TGFB3: variants seen among roughly 807,000 people sequenced by gnomAD.
The protein encoded by TGFB3 is transforming growth factor beta-3 proprotein.
A neutral mutation model predicts 40.1 loss-of-function variants in TGFB3; 5 were observed. The observed-to-expected ratio is 0.12, with a 90% CI of 0.07 to 0.26. The LOEUF (loss-of-function observed/expected upper bound fraction) is 0.26. Ranked by LOEUF, TGFB3 falls within the 10% of genes least tolerant of loss-of-function variation. The probability of loss-of-function intolerance (pLI) is 1.00; values close to 1 mark genes in which losing one functional copy is unlikely to be tolerated. For missense variants in TGFB3, 373 were observed against 530.1 expected, an observed-to-expected ratio of 0.70 and a Z score of 2.91; for synonymous variants, 184 against 205.6, an observed-to-expected ratio of 0.89 and a Z score of 0.90.
chr14:75,968,136 C>T (rs1446257012), intron 3 of TGFB3, among the ~76,000 whole-genome samples: 1 of 152,220 alleles, frequency 6.6e-6, no homozygotes, highest in African/African-American at 2.4e-5. Context: ...AGCCTGGGTA[C>T]CTGGTGCACA....
At chr14:75,972,845 T>C (rs949714872) in intron 1 of TGFB3, among the ~76,000 whole-genome samples, 2 of 152,160 alleles carry the variant, frequency 1.3e-5, no homozygotes, top group Non-Finnish European at 2.9e-5. Flanking sequence ...AAGCAGGGCT[T>C]ATATAGCAAA....
At chr14:75,969,948 G>A (rs1208065188) in intron 3 of TGFB3, among the ~76,000 whole-genome samples, 1 of 152,088 alleles carries the variant, frequency 6.6e-6, no homozygotes, top group Non-Finnish European at 1.5e-5. Context: ...TCTCATCTGG[G>A]CTGCCGCCGT....
At chr14:75,966,446 A>C (rs985173484) in intron 3 of TGFB3, 2 of 152,794 alleles carry the variant, frequency 1.3e-5, no homozygotes, top group African/African-American at 4.8e-5. Flanking sequence ...AACGAGGTAA[A>C]AATTACTTGG....
upstream of TGFB3, among the ~76,000 whole-genome samples, chr14:75,982,635 G>A (rs1594793629): frequency 6.6e-6 from 1 of 151,956 alleles, no homozygotes; most frequent in Admixed American, 6.5e-5. This position sits in a 1 kb window ranked among gnomAD's most constrained non-coding sequence, Gnocchi z 4.0. Context: ...CGCCAGTGAA[G>A]GAGCTCGGCT....
chr14:75,959,621 A>T (rs1168434775), intron 6 of TGFB3, among the ~76,000 whole-genome samples: 2 of 152,168 alleles, frequency 1.3e-5, no homozygotes, highest in African/African-American at 4.8e-5. Flanking sequence ...ATACAAAAAA[A>T]TTAGCTGGCT....
rs1307885716 is a variant in TGFB3 at position 75,981,530 on chromosome 14, G to C, written c.-637C>G. ...CAGTACAGGACACACTTGTCTCTCA[G>C]GCACTCCATTCATGCTTTCTCTTTT... is the stretch of plus-strand genomic sequence containing the variant. On this transcript the variant is annotated 5_prime_UTR_variant, in exon 1 of 7. Transcript: ENST00000238682. The surrounding 1 kb of genome is among the most constrained non-coding windows in gnomAD (Gnocchi z 4.7). 1.3e-5 allele frequency: 2 copies of C among 158,694 alleles called. No individual in the cohort carries two copies. Among genetic ancestry groups the C allele is most frequent in the Admixed American group, 6.0e-5 (1 of 16,702 alleles). The allele number at this position is 158,694 out of a possible 1,614,324, so 9.8% of individuals were successfully genotyped here. A position where few individuals can be genotyped will look rare whatever the true frequency, so the allele number is the denominator to read the frequency against.
At chr14:75,960,404 T>G in intron 6 of TGFB3, 1 of 174,692 alleles carries the variant, frequency 5.7e-6, no homozygotes, top group Non-Finnish European at 1.2e-5. Context: ...GAAACATGCT[T>G]CACAAATTAC....
At chr14:75,973,247 A>G (rs2035314926) in intron 1 of TGFB3, among the ~76,000 whole-genome samples, 1 of 152,266 alleles carries the variant, frequency 6.6e-6, no homozygotes, top group South Asian at 2.1e-4. Context: ...TGAGGAAGTC[A>G]CAGACAAGGC....
chr14:75,975,049 G>A (rs1284552170), intron 1 of TGFB3, among the ~76,000 whole-genome samples: 5 of 150,056 alleles, frequency 3.3e-5, no homozygotes, highest in African/African-American at 1.2e-4. Context: ...AACATAGGGA[G>A]GACCTATCCC....
intron 1 of TGFB3, among the ~76,000 whole-genome samples, chr14:75,972,711 A>G (rs1356585417): frequency 6.6e-6 from 1 of 152,212 alleles, no homozygotes. Context: ...AGAAAGGGCA[A>G]GATGATAGAT....
chr14:75,966,137 A>C (rs1257850564), intron 3 of TGFB3: 2 of 269,618 alleles, frequency 7.4e-6, no homozygotes, highest in Non-Finnish European at 1.4e-5. Flanking sequence ...AGGCAGAGGG[A>C]CTGGAAGAGA....
chr14:75,971,623 C>G lies in TGFB3; in HGVS notation c.448G>C (p.Glu150Gln). The change falls in exon 2 of 7, where the codon GAA (glutamate) becomes CAA (glutamine). Residue 150 changes from glutamate to glutamine, a missense_variant. By Grantham distance (29) the Glu-to-Gln change is conservative (BLOSUM62 2). Transcript: ENST00000238682. This position sits in a 1 kb window ranked among gnomAD's most constrained non-coding sequence, Gnocchi z 4.5. ...EKNRTNLFRAEFRVLRVPNPS... is the reference protein window; with the variant it reads ...EKNRTNLFRAQFRVLRVPNPS... Reference sequence around the variant, plus strand: ...TTGGGCACCCGCAAGACCCGGAATTCTGCTCGGAATAGGTTGGTTCTATTT... The same window carrying G: ...TTGGGCACCCGCAAGACCCGGAATTGTGCTCGGAATAGGTTGGTTCTATTT... 1 of 1,614,242 alleles carries G rather than the reference C, an allele frequency of 6.2e-7. No individual in the cohort carries two copies. The highest frequency in any genetic ancestry group is 1.1e-5 in the South Asian group (1 of 91,082).
Position 75,971,347 on chromosome 14 carries a change from G to A in TGFB3, c.517-92C>T, listed in dbSNP as rs982881261. ...CAGAGCACAGGTGAGGGAGCGATAG[G>A]AAACCAGTGGTTCCTGAATGCCATG... On this transcript the variant is annotated intron_variant, in intron 2 of 6. Transcript: ENST00000238682. The surrounding 1 kb of genome is among the most constrained non-coding windows in gnomAD (Gnocchi z 4.5). The A allele has an allele frequency of 6.3e-7, 1 of 1,596,658 alleles. No homozygotes were observed. Among genetic ancestry groups the A allele is most frequent in the African/African-American group, 1.3e-5 (1 of 74,602 alleles).
At chr14:75,966,507 G>C (rs1026936427) in intron 3 of TGFB3, 4 of 152,848 alleles carry the variant, frequency 2.6e-5, no homozygotes, top group Non-Finnish European at 5.8e-5. Context: ...GTTGGAATGT[G>C]GATTGCTCAC....
chr14:75,959,135 G>A lies in TGFB3; in HGVS notation c.*52C>T. The A allele has an allele frequency of 6.2e-7, 1 of 1,611,468 alleles. No individual in the cohort carries two copies. The highest frequency in any genetic ancestry group is 1.1e-5 in the South Asian group (1 of 90,882). On this transcript the variant is annotated 3_prime_UTR_variant, in exon 7 of 7. Transcript: ENST00000238682. ...TGCTTGTGTGTTTCCCGAGGAGCGG[G>A]CAGTCAGGCAGTGGTGGTTCTCTCT...
At chr14:75,959,970 T>A (rs1344631321) in intron 6 of TGFB3, among the ~76,000 whole-genome samples, 1 of 112,918 alleles carries the variant, frequency 8.9e-6, no homozygotes, top group East Asian at 2.9e-4. Flanking sequence ...TGAGTCAGAG[T>A]CTCACTCTTT....
intron 1 of TGFB3, among the ~76,000 whole-genome samples, chr14:75,972,767 C>T (rs1252799191): frequency 1.3e-5 from 2 of 152,184 alleles, no homozygotes; most frequent in Admixed American, 6.5e-5. Flanking sequence ...AACCCATTAA[C>T]AGTAGGGAGT....
chr14:75,965,147 G>A (rs2035206531), intron 4 of TGFB3, among the ~76,000 whole-genome samples: 1 of 152,188 alleles, frequency 6.6e-6, no homozygotes, highest in African/African-American at 2.4e-5. Flanking sequence ...CATCTGGAAA[G>A]CTCAGTTGTC....
chr14:75,982,583 C>A (rs2035449374), upstream of TGFB3, among the ~76,000 whole-genome samples: 1 of 151,514 alleles, frequency 6.6e-6, no homozygotes, highest in South Asian at 2.1e-4. The surrounding 1 kb of genome is among the most constrained non-coding windows in gnomAD (Gnocchi z 4.0). Flanking sequence ...AAAATGGTGG[C>A]GTTTTCCGGA....
Sources: gnomAD v4.1 joint callset for allele counts (sites outside exome capture counted in the v4.1 genomes callset) on GRCh38, gnomAD v4.1.1 for gene constraint, Gnocchi (gnomAD v3.1) non-coding constraint, MANE v1.5 for transcripts, NCBI Gene and HGNC (gene_info 2026-07-23, HGNC 2026-07-21) for gene names.